The following PKD1 variants were observed in gnomAD, a reference collection of about 807,000 sequenced individuals.
The protein encoded by PKD1 is polycystin-1.
In PKD1, 81 loss-of-function variants were observed where a neutral mutation model predicts 361.7. The observed-to-expected ratio is 0.22, with a 90% CI of 0.19 to 0.27. The LOEUF (loss-of-function observed/expected upper bound fraction) is 0.27. Among genes scored for constraint, PKD1 ranks in the 10% least tolerant of loss-of-function variants. PKD1 has a pLI of 1.00. For synonymous variants in PKD1, 3,615 were observed against 2,818.3 expected, an observed-to-expected ratio of 1.28 and a Z score of -8.95; for missense variants, 6,399 against 6,118.3, an observed-to-expected ratio of 1.05 and a Z score of -1.53.
Position 2,108,942 on chromosome 16 carries a change from G to A in PKD1, c.6225C>T (p.Arg2075=), listed in dbSNP as rs1274618041. 1.9e-6 allele frequency: 3 copies of A among 1,605,204 alleles called. No individual in the cohort carries two copies. In the East Asian group the frequency reaches 6.7e-5, roughly 36 times the overall value. ...ALQSGPCFTN[R]SAQFEAATSP... The stretch of plus-strand genomic sequence containing the variant: ...TGGTGGCGGCCTCAAACTGCGCCGA[G>A]CGGTTGGTGAAGCAGGGGCCGCTCT... Residue 2075 remains arginine, a synonymous_variant, in exon 15 of 46, where the codon CGC becomes CGT. Transcript: ENST00000262304.
chr16:2,099,885 C>T lies in PKD1; in HGVS notation c.9899G>A (p.Gly3300Glu). 3 of 1,566,496 alleles carry T rather than the reference C, an allele frequency of 1.9e-6. No individual in the cohort carries two copies. The highest frequency in any genetic ancestry group is 2.6e-6 in the Non-Finnish European group (3 of 1,157,050). The change falls in exon 29 of 46, where the codon GGG (glycine) becomes GAG (glutamate). Residue 3300 changes from glycine to glutamate, a missense_variant. Coordinates refer to ENST00000262304, the MANE Select transcript of PKD1 (RefSeq NM_001009944.3). ...CCTGTAGGCAGAGTCGCCAACAGCC[C>T]CGTACCACACGGCGTTGGCGCCCAG... ...LFLGANAVWY[G>E]AVGDSAYSTG...
Position 2,110,742 on chromosome 16 carries a change from G to A in PKD1, c.4425C>T (p.Gly1475=), listed in dbSNP as rs1396872734. Residue 1475 remains glycine, a synonymous_variant, in exon 15 of 46, where the codon GGC becomes GGT. Transcript: ENST00000262304. ...GCTGCTGCAGCTCCAGCCCAAGGGA[G>A]CCATTGACCTTGATGCTGGTGACCA... ...PVLVTSIKVN[G]SLGLELQQPY... 6.2e-7 allele frequency: 1 copy of A among 1,610,400 alleles called. No individual in the cohort carries two copies. Among genetic ancestry groups the A allele is most frequent in the Non-Finnish European group, 8.5e-7 (1 of 1,179,542 alleles).
rs1439387506 is a variant in PKD1 at position 2,092,203 on chromosome 16, GC to G, written c.11270-16del. On this transcript the variant is annotated splice_polypyrimidine_tract_variant and intron_variant, in intron 39 of 45. Coordinates refer to ENST00000262304, the MANE Select transcript of PKD1 (RefSeq NM_001009944.3). Reference sequence around the variant, plus strand: ...TGGGTAGAGTGCTGAAACACACAGAGCCCCAGGCCGGGGCCAGGGCCTCATC... The same window carrying G: ...TGGGTAGAGTGCTGAAACACACAGAGCCCAGGCCGGGGCCAGGGCCTCATC... The G allele has an allele frequency of 6.3e-7, 1 of 1,578,784 alleles. No homozygotes were observed. The highest frequency in any genetic ancestry group is 2.4e-5 in the East Asian group (1 of 42,494).
Position 2,102,619 on chromosome 16 carries a change from G to A in PKD1, c.8963C>T (p.Ala2988Val), listed in dbSNP as rs765076655. 47 of 1,610,874 alleles carry A rather than the reference G, an allele frequency of 2.9e-5. No homozygotes were observed. The South Asian group carries it at 3.8e-4, about 13-fold the overall frequency. Residue 2988 changes from alanine to valine, a missense_variant, in exon 25 of 46, where the codon GCG becomes GTG. Ala to Val is a moderately conservative substitution (Grantham distance 64). Coordinates refer to ENST00000262304, the MANE Select transcript of PKD1 (RefSeq NM_001009944.3). ...GGAGAGGTTCAGATGGTAACTCCCC[G>A]CTGGGTCTCTGCTCCTGGGCAGGGA... ...FFISPGSRDPAGSYHLNLSSH... is the reference protein window; with the variant it reads ...FFISPGSRDPVGSYHLNLSSH...
intron 1 of PKD1, among the ~76,000 whole-genome samples, chr16:2,126,322 C>G (rs187903586): frequency 6.6e-6 from 1 of 152,406 alleles, no homozygotes; most frequent in Non-Finnish European, 1.5e-5. Context: ...AAAGCCCTTT[C>G]TGAGGTGGCC....
chr16:2,115,326 G>C, intron 10 of PKD1, 52 bp downstream of exon 10: 1 of 1,435,982 alleles, frequency 7.0e-7, no homozygotes, highest in Non-Finnish European at 9.5e-7. Context: ...GCAGCAGACA[G>C]GAAGGTGGCC....
rs1186733989 is a variant in PKD1, at chr16:2,091,846, G to A, written c.11472C>T (p.Gly3824=). 16 of 1,610,152 alleles carry A rather than the reference G, an allele frequency of 9.9e-6. No individual in the cohort carries two copies. The highest frequency in any genetic ancestry group is 8.9e-5 in the East Asian group (4 of 44,810). ...YDSGGYVQEL[G]LSLEESRDRL... ...GGTCGCGGCTCTCCTCCAGGCTCAG[G>A]CCCAGCTCCTGCACGTAGCCCCCGC... is the stretch of plus-strand genomic sequence containing the variant. The change falls in exon 41 of 46, where the codon GGC becomes GGT. Residue 3824 remains glycine, a synonymous_variant. Coordinates refer to ENST00000262304, the MANE Select transcript of PKD1 (RefSeq NM_001009944.3).
At chr16:2,135,406 G>A (rs1422066925) in intron 1 of PKD1, 69 bp downstream of exon 1, 30 of 1,112,618 alleles carry the variant, frequency 2.7e-5, no homozygotes, top group Non-Finnish European at 3.2e-5. Context: ...TCCCGTCCCG[G>A]GCCAGGGAAC....
Position 2,092,918 on chromosome 16 carries a change from G to A in PKD1, c.11156+36C>T, listed in dbSNP as rs369188265. ...TGGCTGGACTAAAGGCAAAACTAAA[G>A]CCCAGAAGACAGACCAGTGCACCGG... On this transcript the variant is annotated intron_variant, in intron 38 of 45. Transcript: ENST00000262304. 3.9e-5 allele frequency: 63 copies of A among 1,612,166 alleles called. No individual in the cohort carries two copies. In the African/African-American group the frequency reaches 7.3e-4, roughly 19 times the overall value.
chr16:2,127,070 G>C (rs959583910), intron 1 of PKD1, among the ~76,000 whole-genome samples: 1 of 152,090 alleles, frequency 6.6e-6, no homozygotes, highest in African/African-American at 2.4e-5. Flanking sequence ...AGAAAGCCGG[G>C]AAGGGGGACG....
intron 1 of PKD1, chr16:2,123,490 G>A (rs1470689185): frequency 2.0e-5 from 9 of 456,368 alleles, no homozygotes; most frequent in African/African-American, 4.0e-5. Context: ...ACTTTTTCAC[G>A]TCTCCATCTG....
At chr16:2,124,909 G>A (rs529771911) in intron 1 of PKD1, among the ~76,000 whole-genome samples, 12 of 152,182 alleles carry the variant, frequency 7.9e-5, no homozygotes, top group African/African-American at 2.6e-4. Context: ...GCCAGGCCCC[G>A]TCCTCTCCTG....
At chr16:2,130,885 T>C (rs1390072395) in intron 1 of PKD1, among the ~76,000 whole-genome samples, 12 of 152,294 alleles carry the variant, frequency 7.9e-5, no homozygotes, top group South Asian at 2.1e-4. Flanking sequence ...TGCCCAGTCC[T>C]GGACCCCAGC....
chr16:2,104,496 A>C lies in PKD1; in HGVS notation c.8161+2T>G. The stretch of plus-strand genomic sequence containing the variant: ...GGTGGCATGGGGCACGGGCCGCGGC[A>C]CCTGTGATGTTGAGGATGCTGTCTC... On this transcript the variant is annotated splice_donor_variant, in intron 22 of 45. Coordinates refer to ENST00000262304, the MANE Select transcript of PKD1 (RefSeq NM_001009944.3). LOFTEE classifies it high-confidence loss of function. The C allele has an allele frequency of 6.6e-7, 1 of 1,520,440 alleles. No homozygotes were observed. The highest frequency in any genetic ancestry group is 8.9e-7 in the Non-Finnish European group (1 of 1,125,184). The allele number at this position is 1,520,440 out of a possible 1,614,324, so 94.2% of individuals were successfully genotyped here. A position where few individuals can be genotyped will look rare whatever the true frequency, so the allele number is the denominator to read the frequency against.
intron 21 of PKD1, 110 bp downstream of exon 21, chr16:2,105,212 C>G (rs1489250701): frequency 3.8e-6 from 4 of 1,042,268 alleles, no homozygotes; most frequent in Admixed American, 4.0e-5. Context: ...CAGGAAGGAG[C>G]CCAGGCTGGA....
chr16:2,095,705 G>T (rs1246198755), intron 34 of PKD1, among the ~76,000 whole-genome samples: 1 of 152,260 alleles, frequency 6.6e-6, no homozygotes, highest in Non-Finnish European at 1.5e-5. Flanking sequence ...CTCCGACCTG[G>T]TCAGCCCGAA....
Position 2,105,364 on chromosome 16 carries a change from C to G in PKD1, c.7974G>C (p.Val2658=). The G allele has an allele frequency of 6.3e-7, 1 of 1,591,946 alleles. No individual in the cohort carries two copies. The highest frequency in any genetic ancestry group is 8.5e-7 in the Non-Finnish European group (1 of 1,176,470). Reference sequence around the variant, plus strand: ...CAGCAGCGATCTGCTGGATGTCATCCACAGTGTGGACCCTCAGGGACACCA... The same window carrying G: ...CAGCAGCGATCTGCTGGATGTCATCGACAGTGTGGACCCTCAGGGACACCA... ...ETLVSLRVHT[V]DDIQQIAAAL... is the part of the protein sequence containing the mutation. The change falls in exon 21 of 46, where the codon GTG becomes GTC. Residue 2658 remains valine (V), a synonymous_variant. Transcript: ENST00000262304.
At position 2,105,445 on chromosome 16, in the gene PKD1, C is replaced by A. The variant is rs1267211236; in HGVS notation, c.7893G>T (p.Glu2631Asp). Residue 2631 changes from glutamate (E) to aspartate (D), a missense_variant, in exon 21 of 46, where the codon GAG becomes GAT. Coordinates refer to ENST00000262304, the MANE Select transcript of PKD1 (RefSeq NM_001009944.3). Reference protein sequence around the residue: ...EYERALDVAAEPKHERQHRAQ... With the variant: ...EYERALDVAADPKHERQHRAQ... Reference sequence around the variant, plus strand: ...CTCGGTGCTGCCGCTCGTGCTTGGGCTCTGCCGCCACGTCCAGGGCCCGCT... The same window carrying A: ...CTCGGTGCTGCCGCTCGTGCTTGGGATCTGCCGCCACGTCCAGGGCCCGCT... 6.3e-7 allele frequency: 1 copy of A among 1,592,502 alleles called. No homozygotes were observed. The highest frequency in any genetic ancestry group is 8.5e-7 in the Non-Finnish European group (1 of 1,177,304).
In PKD1 at chr16:2,091,191, C is replaced by A; in HGVS notation, c.11713-17G>T. The A allele has an allele frequency of 7.2e-7, 1 of 1,384,960 alleles. No individual in the cohort carries two copies. Among genetic ancestry groups the A allele is most frequent in the Non-Finnish European group, 9.3e-7 (1 of 1,076,908 alleles). 85.8% of individuals were successfully genotyped at this position (1,384,960 alleles called of 1,614,324 possible). A position where few individuals can be genotyped will look rare whatever the true frequency, so the allele number is the denominator to read the frequency against. Reference sequence around the variant, plus strand: ...CAGGCACACCTGTGGGGGGCGCGGTCAGGAGGGCGGGAGGGACGCTGCCGG... The same window carrying A: ...CAGGCACACCTGTGGGGGGCGCGGTAAGGAGGGCGGGAGGGACGCTGCCGG... On this transcript the variant is annotated splice_polypyrimidine_tract_variant and intron_variant, in intron 42 of 45. Coordinates refer to ENST00000262304, the MANE Select transcript of PKD1 (RefSeq NM_001009944.3).
Sources: gnomAD v4.1 joint callset for allele counts (sites outside exome capture counted in the v4.1 genomes callset) on GRCh38, gnomAD v4.1.1 for gene constraint, MANE v1.5 for transcripts, NCBI Gene and HGNC (gene_info 2026-07-23, HGNC 2026-07-21) for gene names.